Variants in IL1RAPL1 observed in about 807,000 individuals in gnomAD.
IL1RAPL1 encodes the protein interleukin-1 receptor accessory protein-like 1.
Under a neutral mutation model 48.4 loss-of-function variants are expected in IL1RAPL1, and 3 were observed. The observed-to-expected ratio is 0.06, with a 90% CI of 0.03 to 0.16. The LOEUF (loss-of-function observed/expected upper bound fraction) is 0.16. Ranked by LOEUF, IL1RAPL1 falls within the 10% of genes least tolerant of loss-of-function variation. IL1RAPL1 has a pLI of 1.00. For synonymous variants in IL1RAPL1, 185 were observed against 187.7 expected (o/e 0.99, Z 0.12); for missense variants, 349 against 530.6 (o/e 0.66, Z 3.36).
chrX:29,256,105 C>T (rs1292418296), intron 2 of IL1RAPL1, among the ~76,000 whole-genome samples: 1 of 111,340 alleles, frequency 9.0e-6, no homozygotes, highest in African/African-American at 3.3e-5. Context: ...TTCTCTGAAA[C>T]CTCGCCAACA....
chrX:29,646,530 G>A (rs1022278619), intron 5 of IL1RAPL1, among the ~76,000 whole-genome samples: 2 of 111,197 alleles, frequency 1.8e-5, no homozygotes, highest in Non-Finnish European at 3.8e-5. Flanking sequence ...GCTATAGAAA[G>A]CTTATTTAAA....
rs144007476 is a variant in IL1RAPL1 at position 29,837,300 on chromosome X, T to TAC, written c.779-80144_779-80143dup. Among the ~76,000 whole-genome samples the TAC allele has an allele frequency of 5.2e-4, 29 of 55,613 alleles. 1 individual carries two copies. In the East Asian group the frequency reaches 5.6e-3, roughly 11 times the overall value. 48.3% of individuals were successfully genotyped at this position (55,613 alleles called of 115,157 possible). A position where few individuals can be genotyped will look rare whatever the true frequency, so the allele number is the denominator to read the frequency against. ...ATATATATATATATATATATATATA[T>TAC]ACACACACACACACACACACATATA... is the stretch of plus-strand genomic sequence containing the variant. On this transcript the variant is annotated intron_variant, in intron 6 of 10. Transcript: ENST00000378993.
chrX:29,738,575 A>G, intron 6 of IL1RAPL1, among the ~76,000 whole-genome samples: 1 of 107,198 alleles, frequency 9.3e-6, no homozygotes, highest in South Asian at 4.1e-4. Flanking sequence ...CCTACTGAGT[A>G]GCTGGGCTAC....
intron 1 of IL1RAPL1, among the ~76,000 whole-genome samples, chrX:28,682,385 T>C (rs914013158): frequency 2.7e-5 from 3 of 111,207 alleles, no homozygotes; most frequent in African/African-American, 9.9e-5. Flanking sequence ...CTCGGCTCAC[T>C]GCAACCTCCA....
chrX:28,944,234 C>T (rs1015541999), intron 2 of IL1RAPL1, among the ~76,000 whole-genome samples: 9 of 110,267 alleles, frequency 8.2e-5, no homozygotes, highest in Admixed American at 6.8e-4. Context: ...GGTAAGTTCT[C>T]CCTAACAATT....
At chrX:29,656,128 A>G (rs1354280279) in intron 5 of IL1RAPL1, among the ~76,000 whole-genome samples, 1 of 112,849 alleles carries the variant, frequency 8.9e-6, no homozygotes, top group East Asian at 2.8e-4. Flanking sequence ...ATTTATTGAC[A>G]GTTACCAAAA....
intron 2 of IL1RAPL1, among the ~76,000 whole-genome samples, chrX:29,096,709 A>G (rs1448736187): frequency 9.0e-6 from 1 of 110,777 alleles, no homozygotes; most frequent in Non-Finnish European, 1.9e-5. Flanking sequence ...AAAATTAAAT[A>G]TATATTTATT....
At chrX:29,479,957 C>T (rs1430737469) in intron 5 of IL1RAPL1, among the ~76,000 whole-genome samples, 2 of 110,704 alleles carry the variant, frequency 1.8e-5, no homozygotes, top group African/African-American at 6.6e-5. Flanking sequence ...TTTGCAATTG[C>T]GAATTGTGCT....
intron 1 of IL1RAPL1, among the ~76,000 whole-genome samples, chrX:28,768,755 C>CTCTCTCTATA (rs1364972830): frequency 5.7e-5 from 2 of 34,875 alleles, no homozygotes; most frequent in African/African-American, 2.5e-4. Context: ...CTCTCTCTCT[C>CTCTCTCTATA]TATATATATA....
intron 3 of IL1RAPL1, among the ~76,000 whole-genome samples, chrX:29,337,547 C>T (rs1053243110): frequency 9.0e-6 from 1 of 111,553 alleles, no homozygotes; most frequent in Non-Finnish European, 1.9e-5. Context: ...GTACCTTTAC[C>T]TCAGTTAACT....
intron 1 of IL1RAPL1, among the ~76,000 whole-genome samples, chrX:28,629,974 T>A (rs1157603605): frequency 8.9e-6 from 1 of 111,758 alleles, no homozygotes; most frequent in African/African-American, 3.3e-5. Context: ...CTCAGCAACT[T>A]GCCTCCTGAT....
rs113222106 is a variant in IL1RAPL1, at chrX:29,137,258, TCACACACACA to T, written c.83-145659_83-145650del. On this transcript the variant is annotated intron_variant, in intron 2 of 10. Transcript: ENST00000378993. ...AAAAATTACACACACACACTTGCGC[TCACACACACA>T]CACACACACACACACACACAGTGGG... Among the ~76,000 whole-genome samples, 178 of 100,366 alleles carry T rather than the reference TCACACACACA, an allele frequency of 1.8e-3. 1 individual carries two copies. In the South Asian group the frequency reaches 0.036, roughly 20 times the overall value. 87.2% of individuals were successfully genotyped at this position (100,366 alleles called of 115,157 possible).
chrX:29,292,031 A>G (rs1230785644), intron 3 of IL1RAPL1, among the ~76,000 whole-genome samples: 1 of 111,776 alleles, frequency 8.9e-6, no homozygotes, highest in Non-Finnish European at 1.9e-5. Flanking sequence ...TGGATGATGG[A>G]GTATGCATTG....
At chrX:28,721,155 T>C (rs1396706694) in intron 1 of IL1RAPL1, among the ~76,000 whole-genome samples, 5 of 111,695 alleles carry the variant, frequency 4.5e-5, no homozygotes, top group South Asian at 7.6e-4. Context: ...TTCTAGATCC[T>C]TGAGGAATCA....
intron 6 of IL1RAPL1, among the ~76,000 whole-genome samples, chrX:29,780,032 C>T (rs994871542): frequency 3.6e-5 from 4 of 110,790 alleles, no homozygotes; most frequent in African/African-American, 1.3e-4. Flanking sequence ...AATATCACTA[C>T]GTTTGCTGAC....
intron 5 of IL1RAPL1, among the ~76,000 whole-genome samples, chrX:29,428,265 T>C (rs1455410832): frequency 8.9e-6 from 1 of 112,091 alleles, no homozygotes; most frequent in Non-Finnish European, 1.9e-5. Flanking sequence ...ATTTATACTC[T>C]AGTAAGTATG....
At chrX:28,964,181 A>G (rs1315670191) in intron 2 of IL1RAPL1, among the ~76,000 whole-genome samples, 1 of 111,753 alleles carries the variant, frequency 8.9e-6, no homozygotes, top group Non-Finnish European at 1.9e-5. Flanking sequence ...AGAAGAAGCC[A>G]TCAAATGCTT....
At chrX:28,844,125 G>A (rs1437604226) in intron 2 of IL1RAPL1, among the ~76,000 whole-genome samples, 2 of 107,809 alleles carry the variant, frequency 1.9e-5, no homozygotes, top group Non-Finnish European at 3.8e-5. Flanking sequence ...CCAAGAGGTG[G>A]AGTTTAAGCT....
At chrX:29,775,605 G>T (rs1305299486) in intron 6 of IL1RAPL1, among the ~76,000 whole-genome samples, 1 of 111,123 alleles carries the variant, frequency 9.0e-6, no homozygotes, top group Non-Finnish European at 1.9e-5. Context: ...TATCATAAGT[G>T]CTAAAAGAGG....
Sources: allele counts gnomAD v4.1 joint callset (sites outside exome capture counted in the v4.1 genomes callset), GRCh38; gene constraint gnomAD v4.1.1; transcripts MANE v1.5; gene names NCBI Gene and HGNC (gene_info 2026-07-23, HGNC 2026-07-21).